The following ZPLD1 variants were observed in gnomAD, a reference collection of about 807,000 sequenced individuals.
The protein encoded by ZPLD1 is zona pellucida like domain containing 1, also known as zona pellucida-like domain-containing protein 1.
ZPLD1 carries 34 observed loss-of-function variants against 47.2 expected under a neutral mutation model. That is an observed-to-expected ratio of 0.72 (90% CI 0.55 to 0.96). The LOEUF (loss-of-function observed/expected upper bound fraction) is 0.96. Ranked by LOEUF, ZPLD1 falls within the 40% of genes least tolerant of loss-of-function variation. The pLI is 0.00. For missense variants in ZPLD1, 512 were observed against 505.8 expected, an observed-to-expected ratio of 1.01 and a Z score of -0.12; for synonymous variants, 176 against 186.2, an observed-to-expected ratio of 0.95 and a Z score of 0.45.
At chr3:102,466,133 T>C (rs1707588077) in intron 8 of ZPLD1, among the ~76,000 whole-genome samples, 1 of 152,176 alleles carries the variant, frequency 6.6e-6, no homozygotes, top group South Asian at 2.1e-4. Flanking sequence ...GCTCTGTCCT[T>C]GGTGGCAAGG....
At chr3:102,433,519 G>T (rs1301438918), upstream of ZPLD1, among the ~76,000 whole-genome samples, 1 of 152,084 alleles carries the variant, frequency 6.6e-6, no homozygotes, top group Admixed American at 6.6e-5. Flanking sequence ...TTTTTGAAAA[G>T]AACAATATTC....
intron 7 of ZPLD1, among the ~76,000 whole-genome samples, chr3:102,408,221 C>A (rs1006465419): frequency 1.1e-4 from 16 of 151,702 alleles, no homozygotes; most frequent in African/African-American, 3.9e-4. Context: ...AAACCTATTA[C>A]CCTTCTAGAC....
chr3:102,463,115 A>G (rs1447616986), intron 7 of ZPLD1, among the ~76,000 whole-genome samples: 1 of 151,998 alleles, frequency 6.6e-6, no homozygotes, highest in Non-Finnish European at 1.5e-5. Context: ...TTTCCATTTC[A>G]TTGGCATTCG....
rs1559764957 is a variant in ZPLD1, at chr3:102,478,776, C to A, written c.*1158C>A. Reference sequence around the variant, plus strand: ...AAGCTTTAAGCAGCCCATGTTCTTACAAAAAAAATCAACATTCTCTTTGTT... The same window carrying A: ...AAGCTTTAAGCAGCCCATGTTCTTAAAAAAAAAATCAACATTCTCTTTGTT... On this transcript the variant is annotated 3_prime_UTR_variant, in exon 12 of 12. Transcript: ENST00000466937. The A allele has an allele frequency of 6.6e-6, 1 of 151,824 alleles. No individual in the cohort carries two copies. The highest frequency in any genetic ancestry group is 6.6e-5 in the Admixed American group (1 of 15,246). The allele number at this position is 151,824 out of a possible 1,614,324, so 9.4% of individuals were successfully genotyped here. A position where few individuals can be genotyped will look rare whatever the true frequency, so the allele number is the denominator to read the frequency against.
intron 3 of ZPLD1, among the ~76,000 whole-genome samples, chr3:102,442,127 G>A (rs1707188634): frequency 6.6e-6 from 1 of 152,130 alleles, no homozygotes; most frequent in Admixed American, 6.5e-5. Flanking sequence ...AGAGGAGAAA[G>A]TACTTCTAAT....
intron 10 of ZPLD1, among the ~76,000 whole-genome samples, chr3:102,475,380 A>T (rs998663005): frequency 6.6e-6 from 1 of 152,208 alleles, no homozygotes; most frequent in African/African-American, 2.4e-5. Flanking sequence ...GCATCTAGTC[A>T]TAGCACTCTT....
At chr3:102,421,215 CTA>C (rs1424091371) in intron 8 of ZPLD1, among the ~76,000 whole-genome samples, 1 of 151,868 alleles carries the variant, frequency 6.6e-6, no homozygotes, top group African/African-American at 2.4e-5. Flanking sequence ...TACAACTACA[CTA>C]TCTCTCAGTT....
At position 102,456,285 on chromosome 3, in the gene ZPLD1, A is replaced by G; in HGVS notation, c.420A>G (p.Pro140=). ...GATATATTGATACTCCAGACCCACC[A>G]ACAATCATCAGCTATCTACCTGGGC... The part of the protein sequence containing the change: ...ISGYIDTPDP[P]TIISYLPGLL... Residue 140 remains proline (P), a synonymous_variant, in exon 5 of 12, where the codon CCA becomes CCG. Coordinates refer to ENST00000466937, the MANE Select transcript of ZPLD1 (RefSeq NM_001329788.2). 6.2e-7 allele frequency: 1 copy of G among 1,613,972 alleles called. No individual in the cohort carries two copies.
intron 7 of ZPLD1, among the ~76,000 whole-genome samples, chr3:102,462,604 G>A: frequency 6.6e-6 from 1 of 151,862 alleles, no homozygotes; most frequent in Non-Finnish European, 1.5e-5. Context: ...TAAAGAAGGG[G>A]GGTGGTTCTT....
intron 5 of ZPLD1, 115 bp from the exon 6 acceptor site, chr3:102,457,666 T>C: frequency 1.1e-6 from 1 of 885,020 alleles, no homozygotes; most frequent in Non-Finnish European, 1.8e-6. Context: ...ACTCCAGGTA[T>C]AATTAACAGT....
Position 102,470,424 on chromosome 3 carries a change from G to C in ZPLD1, c.964G>C (p.Gly322Arg). The C allele has an allele frequency of 6.2e-7, 1 of 1,614,090 alleles. No homozygotes were observed. Among genetic ancestry groups the C allele is most frequent in the Non-Finnish European group, 8.5e-7 (1 of 1,179,992 alleles). Residue 322 changes from glycine to arginine, a missense_variant, in exon 10 of 12, where the codon GGG (glycine) becomes CGG (arginine). Physicochemically the swap from Gly to Arg is moderately radical, Grantham distance 125. Coordinates refer to ENST00000466937, the MANE Select transcript of ZPLD1 (RefSeq NM_001329788.2). ...CAGCCACAGAGAAAGGAGAGATGCTGGGAGGAGGACGACTTGGAGCCCCCA... is the reference window on the plus strand; with the variant it reads ...CAGCCACAGAGAAAGGAGAGATGCTCGGAGGAGGACGACTTGGAGCCCCCA... ...ICSHRERRDA[G>R]RRTTWSPQSS...
intron 7 of ZPLD1, among the ~76,000 whole-genome samples, chr3:102,407,325 C>T (rs1271176255): frequency 7.1e-6 from 1 of 141,290 alleles, no homozygotes; most frequent in African/African-American, 2.6e-5. Flanking sequence ...ATCTCACCAA[C>T]TCTATAACTA....
intron 5 of ZPLD1, among the ~76,000 whole-genome samples, chr3:102,457,102 G>T (rs1051414544): frequency 1.4e-4 from 22 of 152,166 alleles, no homozygotes; most frequent in African/African-American, 5.3e-4. Context: ...TTTAGGATTT[G>T]CTATTATTAA....
chr3:102,420,584 C>T (rs969148200), intron 8 of ZPLD1, among the ~76,000 whole-genome samples: 6 of 151,826 alleles, frequency 4.0e-5, no homozygotes, highest in African/African-American at 7.2e-5. Flanking sequence ...TCACTTTTCA[C>T]GCAAGGTTAT....
At chr3:102,457,968 G>T in intron 6 of ZPLD1, 115 bp downstream of exon 6, 1 of 903,038 alleles carries the variant, frequency 1.1e-6, no homozygotes. Context: ...GTTATGCCTT[G>T]GTAACATTTA....
intron 3 of ZPLD1, among the ~76,000 whole-genome samples, chr3:102,447,353 C>G (rs763737696): frequency 5.9e-5 from 9 of 152,140 alleles, no homozygotes; most frequent in Non-Finnish European, 4.4e-5. Flanking sequence ...CGTGAGCCAC[C>G]ACACCTGGCC....
intron 4 of ZPLD1, among the ~76,000 whole-genome samples, chr3:102,454,935 A>G (rs1707390011): frequency 6.6e-6 from 1 of 152,260 alleles, no homozygotes; most frequent in African/African-American, 2.4e-5. Flanking sequence ...TTAGCTATCA[A>G]ATAAAGCAAG....
At chr3:102,458,492 C>T (rs911890279) in intron 6 of ZPLD1, among the ~76,000 whole-genome samples, 3 of 152,092 alleles carry the variant, frequency 2.0e-5, no homozygotes, top group Non-Finnish European at 2.9e-5. Flanking sequence ...ATTTTAAATG[C>T]CTGATTTAAA....
At chr3:102,443,052 C>T (rs958690371) in intron 3 of ZPLD1, among the ~76,000 whole-genome samples, 4 of 152,134 alleles carry the variant, frequency 2.6e-5, no homozygotes, top group South Asian at 2.1e-4. Context: ...TGTATATTTT[C>T]CGAAGCCAGG....
Sources: gnomAD v4.1 joint callset for allele counts (sites outside exome capture counted in the v4.1 genomes callset) on GRCh38, gnomAD v4.1.1 for gene constraint, MANE v1.5 for transcripts, NCBI Gene and HGNC (gene_info 2026-07-23, HGNC 2026-07-21) for gene names.